PRKAR1B: variants seen among roughly 807,000 people sequenced by gnomAD.
PRKAR1B encodes the protein cAMP-dependent protein kinase type I-beta regulatory subunit.
In PRKAR1B, 22 loss-of-function variants were observed where a neutral mutation model predicts 46.5. The ratio of observed to expected loss-of-function variants is 0.47; its 90% CI spans 0.34 to 0.68. PRKAR1B has a LOEUF of 0.68. PRKAR1B is among the 30% of genes least tolerant of loss of function. The probability of loss-of-function intolerance (pLI) is 0.01; values close to 1 mark genes in which losing one functional copy is unlikely to be tolerated. For synonymous variants in PRKAR1B, 259 were observed against 217.7 expected (o/e 1.19, Z -1.67); for missense variants, 445 against 535.6 (o/e 0.83, Z 1.67).
chr7:721,924 C>T (rs897762564), intron 1 of PRKAR1B, among the ~76,000 whole-genome samples: 5 of 152,038 alleles, frequency 3.3e-5, no homozygotes, highest in Admixed American at 6.6e-5. Context: ...CTAGGCAAGG[C>T]ATTATTTCTC....
intron 4 of PRKAR1B, among the ~76,000 whole-genome samples, chr7:652,149 T>C (rs1203449478): frequency 0.034 from 1,822 of 53,258 alleles, 76 homozygotes; most frequent in African/African-American, 0.1. Context: ...ACCCACACAG[T>C]GCTAGGAACC....
chr7:554,344 A>T (rs2128420376), intron 9 of PRKAR1B, among the ~76,000 whole-genome samples: 1 of 152,398 alleles, frequency 6.6e-6, no homozygotes, highest in East Asian at 1.9e-4. Flanking sequence ...ACAGCCCATC[A>T]CGCTGACCTT....
In PRKAR1B at chr7:673,141, G is replaced by A. The variant is rs113713060; in HGVS notation, c.440+4088C>T. ...AGCAGCTGTGGACCAGGGACCTCCC[G>A]CTTCAGGGCTGACTCTGTCTGCAAA... is the stretch of plus-strand genomic sequence containing the variant. On this transcript the variant is annotated intron_variant, in intron 4 of 10. Coordinates refer to ENST00000537384, the MANE Select transcript of PRKAR1B (RefSeq NM_001164760.2). Among the ~76,000 whole-genome samples, 1,037 of 138,198 alleles carry A rather than the reference G, an allele frequency of 7.5e-3. 8 individuals carry two copies. Among genetic ancestry groups the A allele is most frequent in the South Asian group, 0.012 (48 of 4,124 alleles). The allele number at this position is 138,198 out of a possible 152,430, so 90.7% of individuals were successfully genotyped here.
intron 4 of PRKAR1B, among the ~76,000 whole-genome samples, chr7:645,777 C>T (rs1352648916): frequency 1.3e-5 from 2 of 152,092 alleles, no homozygotes; most frequent in African/African-American, 4.8e-5. Flanking sequence ...TGTGCGTCTA[C>T]TGGGAGGGGA....
At chr7:672,665 C>T (rs868034855) in intron 4 of PRKAR1B, among the ~76,000 whole-genome samples, 16 of 151,646 alleles carry the variant, frequency 1.1e-4, no homozygotes, top group Middle Eastern at 3.4e-3. Flanking sequence ...GTCAGGAGTT[C>T]GAGACCAGCC....
intron 2 of PRKAR1B, among the ~76,000 whole-genome samples, chr7:701,580 G>A (rs2128522571): frequency 6.6e-6 from 1 of 152,232 alleles, no homozygotes; most frequent in South Asian, 2.1e-4. Flanking sequence ...CAGACACATT[G>A]TACTCAAACT....
chr7:630,105 G>A (rs549231961), intron 4 of PRKAR1B, among the ~76,000 whole-genome samples: 4 of 152,172 alleles, frequency 2.6e-5, no homozygotes, highest in South Asian at 4.2e-4. Flanking sequence ...TTCTTTCCAC[G>A]GCTGCTGCTT....
chr7:720,546 C>T (rs1040902771), intron 1 of PRKAR1B, among the ~76,000 whole-genome samples: 2 of 152,226 alleles, frequency 1.3e-5, no homozygotes, highest in Admixed American at 6.5e-5. Context: ...TGACTATCTG[C>T]CTAGTTATTC....
At chr7:556,329 A>T (rs1269849825) in intron 9 of PRKAR1B, among the ~76,000 whole-genome samples, 1 of 60,158 alleles carries the variant, frequency 1.7e-5, no homozygotes, top group Admixed American at 1.7e-4. Flanking sequence ...AAACCCACCC[A>T]CCCCGACCCC....
chr7:550,339 A>G lies in PRKAR1B; in HGVS notation c.*91T>C. 7.9e-7 allele frequency: 1 copy of G among 1,260,248 alleles called. No homozygotes were observed. The highest frequency in any genetic ancestry group is 1.1e-6 in the Non-Finnish European group (1 of 894,342). The allele number at this position is 1,260,248 out of a possible 1,614,324, so 78.1% of individuals were successfully genotyped here. A position where few individuals can be genotyped will look rare whatever the true frequency, so the allele number is the denominator to read the frequency against. On this transcript the variant is annotated 3_prime_UTR_variant, in exon 11 of 11. Coordinates refer to ENST00000537384, the MANE Select transcript of PRKAR1B (RefSeq NM_001164760.2). ...CGGGACCCAGCCCCACCCGGCCCAC[A>G]CCTCACACAGCGGCTCCCGGGCCCC...
intron 4 of PRKAR1B, among the ~76,000 whole-genome samples, chr7:674,273 C>T (rs1786456834): frequency 2.0e-5 from 3 of 151,758 alleles, no homozygotes; most frequent in Admixed American, 2.0e-4. Flanking sequence ...CACCCAGCTA[C>T]TCTAGTCACA....
In PRKAR1B at chr7:583,533, ACT is replaced by A. The variant is rs201478716; in HGVS notation, c.769+973_769+974del. 2.3e-3 allele frequency among the ~76,000 whole-genome samples: 294 copies of A among 129,268 alleles called. 3 individuals carry two copies. Among genetic ancestry groups the A allele is most frequent in the East Asian group, 0.011 (47 of 4,282 alleles). 84.8% of individuals were successfully genotyped at this position (129,268 alleles called of 152,430 possible). A position where few individuals can be genotyped will look rare whatever the true frequency, so the allele number is the denominator to read the frequency against. On this transcript the variant is annotated intron_variant, in intron 8 of 10. Coordinates refer to ENST00000537384, the MANE Select transcript of PRKAR1B (RefSeq NM_001164760.2). Reference sequence around the variant, plus strand: ...CACCCACACACGCGTGCACACACCCACTCACACACGTGCCAAACACATGCGTG... The same window carrying A: ...CACCCACACACGCGTGCACACACCCACACACACGTGCCAAACACATGCGTG...
chr7:598,809 A>T (rs530420322), intron 6 of PRKAR1B, among the ~76,000 whole-genome samples: 3 of 152,344 alleles, frequency 2.0e-5, no homozygotes. Flanking sequence ...GTGCCCAAGG[A>T]GGTGAGTGAG....
chr7:569,291 C>A (rs1339606749), intron 9 of PRKAR1B, among the ~76,000 whole-genome samples: 1 of 152,224 alleles, frequency 6.6e-6, no homozygotes, highest in Non-Finnish European at 1.5e-5. Context: ...TCTATCCACG[C>A]AGAGAACAGC....
chr7:568,140 C>T (rs1779285550), intron 9 of PRKAR1B, among the ~76,000 whole-genome samples: 1 of 152,250 alleles, frequency 6.6e-6, no homozygotes, highest in Non-Finnish European at 1.5e-5. Context: ...TACTGCCTCA[C>T]AGTCTCACCC....
intron 9 of PRKAR1B, among the ~76,000 whole-genome samples, chr7:552,491 C>T (rs1476285829): frequency 2.0e-5 from 3 of 151,214 alleles, no homozygotes; most frequent in Non-Finnish European, 4.4e-5. Context: ...CCCAAACCCC[C>T]ACCTCCCACC....
At chr7:704,126 A>T (rs1046813182) in intron 2 of PRKAR1B, among the ~76,000 whole-genome samples, 2 of 152,222 alleles carry the variant, frequency 1.3e-5, no homozygotes, top group African/African-American at 4.8e-5. Flanking sequence ...AGCCTTAATC[A>T]TCTAAAATTT....
chr7:715,936 C>G (rs1314959776), intron 1 of PRKAR1B, among the ~76,000 whole-genome samples: 2 of 152,212 alleles, frequency 1.3e-5, no homozygotes, highest in East Asian at 1.9e-4. Context: ...AGGATGGTCT[C>G]GGTCTCCTGA....
intron 4 of PRKAR1B, among the ~76,000 whole-genome samples, chr7:617,875 G>A (rs1038919540): frequency 5.3e-5 from 8 of 152,152 alleles, no homozygotes; most frequent in African/African-American, 1.7e-4. Flanking sequence ...CCGGGCAAAG[G>A]GCTGTATGGG....
Sources: allele counts gnomAD v4.1 joint callset (sites outside exome capture counted in the v4.1 genomes callset), GRCh38; gene constraint gnomAD v4.1.1; transcripts MANE v1.5; gene names NCBI Gene and HGNC (gene_info 2026-07-23, HGNC 2026-07-21).